DTNA: variants seen among roughly 807,000 people sequenced by gnomAD.
The protein encoded by DTNA is dystrobrevin alpha.
Under a neutral mutation model 100.7 loss-of-function variants are expected in DTNA, and 43 were observed. The observed-to-expected ratio is 0.43, with a 90% CI of 0.33 to 0.55. DTNA has a LOEUF of 0.55. Ranked by LOEUF, DTNA falls within the 20% of genes least tolerant of loss-of-function variation. The pLI is 0.04. For synonymous variants in DTNA, 349 were observed against 347.9 expected (o/e 1.00, Z -0.04); for missense variants, 798 against 953.9 (o/e 0.84, Z 2.15).
chr18:34,515,435 G>A (rs1234813809), intron 1 of DTNA, among the ~76,000 whole-genome samples: 1 of 151,894 alleles, frequency 6.6e-6, no homozygotes, highest in African/African-American at 2.4e-5. Flanking sequence ...CAATTATTTC[G>A]AAAATACTTG....
chr18:34,752,868 A>G (rs953783437), intron 1 of DTNA, among the ~76,000 whole-genome samples: 2 of 152,236 alleles, frequency 1.3e-5, no homozygotes, highest in African/African-American at 4.8e-5. Flanking sequence ...CAACTTCTTC[A>G]TAAGACTTGA....
intron 1 of DTNA, among the ~76,000 whole-genome samples, chr18:34,508,865 T>C (rs982164892): frequency 1.3e-5 from 2 of 152,178 alleles, no homozygotes; most frequent in Non-Finnish European, 2.9e-5. Flanking sequence ...CAATTACATA[T>C]ACCCTTTATA....
At chr18:34,643,086 G>A (rs537730020) in intron 1 of DTNA, among the ~76,000 whole-genome samples, 22 of 152,280 alleles carry the variant, frequency 1.4e-4, no homozygotes, top group Admixed American at 1.3e-3. Context: ...GGAATTTGAC[G>A]ACTATTTCTG....
chr18:34,650,378 A>C lies in DTNA; in HGVS notation c.-1-105598A>C, dbSNP rs533151935. Among the ~76,000 whole-genome samples, 6 of 152,212 alleles carry C rather than the reference A, an allele frequency of 3.9e-5. No individual in the cohort carries two copies. The South Asian group carries it at 1.2e-3, about 32-fold the overall frequency. On this transcript the variant is annotated intron_variant, in intron 1 of 19. Transcript: ENST00000283365. ...TGAATCAACTGTAAATAGTGAAAGA[A>C]ATATGTGAGTGTGAGTGTGTGTGTG...
At chr18:34,713,578 C>T (rs1265862215) in intron 1 of DTNA, among the ~76,000 whole-genome samples, 1 of 151,512 alleles carries the variant, frequency 6.6e-6, no homozygotes, top group South Asian at 2.1e-4. Context: ...ATGCCTCCAG[C>T]TTTGTTCTTT....
At chr18:34,647,962 G>C (rs993236647) in intron 1 of DTNA, among the ~76,000 whole-genome samples, 1 of 152,162 alleles carries the variant, frequency 6.6e-6, no homozygotes, top group Non-Finnish European at 1.5e-5. Context: ...AAAGCAGTAG[G>C]GGAATCTAAA....
chr18:34,832,022 T>G (rs1712510409), intron 11 of DTNA, among the ~76,000 whole-genome samples: 1 of 152,222 alleles, frequency 6.6e-6, no homozygotes, highest in Non-Finnish European at 1.5e-5. Flanking sequence ...ACCGTGGCTT[T>G]TAATCTGACT....
chr18:34,848,592 T>A (rs969977698), intron 14 of DTNA, among the ~76,000 whole-genome samples: 1 of 152,122 alleles, frequency 6.6e-6, no homozygotes, highest in African/African-American at 2.4e-5. Context: ...CCATCCACAG[T>A]AGTGTGACCC....
At chr18:34,591,740 G>A (rs1406369938) in intron 1 of DTNA, among the ~76,000 whole-genome samples, 1 of 152,132 alleles carries the variant, frequency 6.6e-6, no homozygotes, top group African/African-American at 2.4e-5. Context: ...CAACTTTGGG[G>A]ACAAAAATAA....
At chr18:34,498,247 C>A (rs1478615921) in intron 1 of DTNA, among the ~76,000 whole-genome samples, 1 of 151,900 alleles carries the variant, frequency 6.6e-6, no homozygotes, top group Non-Finnish European at 1.5e-5. Flanking sequence ...AACTCCGTCT[C>A]TACTAAAAAT....
At chr18:34,631,089 A>G (rs1392792261) in intron 1 of DTNA, among the ~76,000 whole-genome samples, 1 of 152,190 alleles carries the variant, frequency 6.6e-6, no homozygotes, top group East Asian at 1.9e-4. Context: ...GCTAACATAT[A>G]TTGAGTGCTT....
chr18:34,846,577 T>A (rs2096382413), intron 13 of DTNA, among the ~76,000 whole-genome samples: 1 of 151,992 alleles, frequency 6.6e-6, no homozygotes, highest in Non-Finnish European at 1.5e-5. Context: ...GTGGAAGTAT[T>A]CATATTAAAA....
intron 1 of DTNA, among the ~76,000 whole-genome samples, chr18:34,672,559 A>G (rs973779609): frequency 6.6e-6 from 1 of 152,160 alleles, no homozygotes; most frequent in Non-Finnish European, 1.5e-5. Flanking sequence ...GTTCTGTGTG[A>G]ATGTGTGTAT....
In DTNA at chr18:34,820,766, C is replaced by T. The variant is rs2095695011; in HGVS notation, c.877-25C>T. 4.3e-6 allele frequency: 7 copies of T among 1,613,910 alleles called. No individual in the cohort carries two copies. In the South Asian group the frequency reaches 4.4e-5, roughly 10 times the overall value. ...ATTACATAAATATTAGCTGTTGTCA[C>T]TTCTGCCTTCCTTCTTCTTTCCAGA... On this transcript the variant is annotated intron_variant, in intron 8 of 22. Transcript: ENST00000444659.
chr18:34,617,650 G>T (rs922228437), intron 1 of DTNA, among the ~76,000 whole-genome samples: 8 of 152,090 alleles, frequency 5.3e-5, no homozygotes, highest in African/African-American at 1.9e-4. Flanking sequence ...AATGAATTAG[G>T]GAAGAGTTCC....
chr18:34,859,311 C>T (rs1042594998), intron 16 of DTNA, among the ~76,000 whole-genome samples: 8 of 144,234 alleles, frequency 5.5e-5, no homozygotes, highest in South Asian at 4.3e-4. Context: ...AATGAAGCAA[C>T]GAAAGCAGAT....
Position 34,889,512 on chromosome 18 carries a change from C to T in DTNA, c.*1778C>T. 1 of 985,430 alleles carries T rather than the reference C, an allele frequency of 1.0e-6. No homozygotes were observed. The highest frequency in any genetic ancestry group is 1.2e-6 in the Non-Finnish European group (1 of 829,930). The allele number at this position is 985,430 out of a possible 1,614,324, so 61.0% of individuals were successfully genotyped here. ...CTGTGATTCACTTTTGCTTCTGGGG[C>T]TGGCAAAAACCTTCTCTGAACCCAC... On this transcript the variant is annotated 3_prime_UTR_variant, in exon 23 of 23. Coordinates refer to ENST00000444659, the MANE Select transcript of DTNA (RefSeq NM_001386795.1).
intron 1 of DTNA, among the ~76,000 whole-genome samples, chr18:34,555,285 G>T (rs1391835301): frequency 6.8e-6 from 1 of 147,492 alleles, no homozygotes; most frequent in Admixed American, 6.7e-5. Flanking sequence ...TATTAGTCTT[G>T]CTAGCGGTCT....
At chr18:34,511,239 G>T (rs1188560938) in intron 1 of DTNA, among the ~76,000 whole-genome samples, 6 of 152,034 alleles carry the variant, frequency 3.9e-5, no homozygotes. Flanking sequence ...TCAGACTAAA[G>T]AAAGTTATTT....
Sources: allele counts gnomAD v4.1 joint callset (sites outside exome capture counted in the v4.1 genomes callset), GRCh38; gene constraint gnomAD v4.1.1; transcripts MANE v1.5; gene names NCBI Gene and HGNC (gene_info 2026-07-23, HGNC 2026-07-21).